THSD4: variants seen among roughly 807,000 people sequenced by gnomAD.
The protein encoded by THSD4 is thrombospondin type 1 domain containing 4, also known as thrombospondin type-1 domain-containing protein 4.
Under a neutral mutation model 119.0 loss-of-function variants are expected in THSD4, and 69 were observed. The ratio of observed to expected loss-of-function variants is 0.58; its 90% CI spans 0.48 to 0.71. THSD4 has a LOEUF of 0.71. Ranked by LOEUF, THSD4 falls within the 30% of genes least tolerant of loss-of-function variation. THSD4 has a pLI of 0.00. For missense variants in THSD4, 1,393 were observed against 1,391.1 expected, an observed-to-expected ratio of 1.00 and a Z score of -0.02; for synonymous variants, 524 against 540.4, an observed-to-expected ratio of 0.97 and a Z score of 0.42.
At chr15:71,562,299 A>T (rs72737265) in intron 7 of THSD4, among the ~76,000 whole-genome samples, 4,638 of 152,278 alleles carry the variant, frequency 0.03, 110 homozygotes, top group Non-Finnish European at 0.04. Context: ...TCAGCTGTAT[A>T]GTTTGTTCTG....
chr15:71,290,704 C>T (rs146067793), intron 6 of THSD4, among the ~76,000 whole-genome samples: 119 of 152,224 alleles, frequency 7.8e-4, no homozygotes, highest in African/African-American at 2.8e-3. Flanking sequence ...TTGCTTATAA[C>T]CCATAAGACA....
intron 3 of THSD4, among the ~76,000 whole-genome samples, chr15:71,200,748 A>G (rs1486479010): frequency 6.6e-6 from 1 of 152,202 alleles, no homozygotes; most frequent in Admixed American, 6.5e-5. Context: ...ATCCATTGTT[A>G]TAATCAATAA....
At chr15:71,675,866 T>C (rs978415763) in intron 8 of THSD4, among the ~76,000 whole-genome samples, 1 of 151,990 alleles carries the variant, frequency 6.6e-6, no homozygotes, top group South Asian at 2.1e-4. Context: ...GGTGGGGTGG[T>C]ATTTGTGTCT....
chr15:71,455,946 TTCTG>T (rs2047333116), intron 7 of THSD4, among the ~76,000 whole-genome samples: 1 of 152,166 alleles, frequency 6.6e-6, no homozygotes, highest in African/African-American at 2.4e-5. Context: ...TTTCCTCTCT[TTCTG>T]AGCCTGTCCG....
chr15:71,536,453 T>C (rs903388392), intron 7 of THSD4, among the ~76,000 whole-genome samples: 3 of 152,160 alleles, frequency 2.0e-5, no homozygotes, highest in Non-Finnish European at 4.4e-5. Context: ...GTCATCAGAG[T>C]AGCCATGTTA....
chr15:71,699,049 TAAAAG>T (rs1381151965), intron 8 of THSD4, among the ~76,000 whole-genome samples: 2 of 152,148 alleles, frequency 1.3e-5, no homozygotes, highest in South Asian at 2.1e-4. Context: ...AAAAATGTGT[TAAAAG>T]AGTAGACCTT....
At chr15:71,438,761 C>T (rs2047049580) in intron 7 of THSD4, among the ~76,000 whole-genome samples, 1 of 152,176 alleles carries the variant, frequency 6.6e-6, no homozygotes, top group Non-Finnish European at 1.5e-5. Flanking sequence ...AAGCAGAACA[C>T]ACAGGTGTTT....
At chr15:71,217,571 C>T (rs1325595099) in intron 4 of THSD4, among the ~76,000 whole-genome samples, 1 of 150,228 alleles carries the variant, frequency 6.7e-6, no homozygotes, top group Non-Finnish European at 1.5e-5. Flanking sequence ...TGCAGTGAGC[C>T]GAGATCGCAC....
At chr15:71,136,155 C>G (rs1183142441) in intron 1 of THSD4, among the ~76,000 whole-genome samples, 1 of 151,898 alleles carries the variant, frequency 6.6e-6, no homozygotes, top group Non-Finnish European at 1.5e-5. Context: ...GGTTGTATAG[C>G]ATGACTTACG....
At chr15:71,776,810 A>C (rs571822719) in intron 17 of THSD4, among the ~76,000 whole-genome samples, 1 of 152,392 alleles carries the variant, frequency 6.6e-6, no homozygotes, top group African/African-American at 2.4e-5. Flanking sequence ...ATATGAATGA[A>C]TCGCACAAAT....
rs1323169639 is a variant in THSD4, at chr15:71,341,785, C to T, written c.1016-69902C>T. 4.3e-5 allele frequency: 34 copies of T among 785,412 alleles called. No homozygotes were observed. In the Admixed American group the frequency reaches 5.7e-4, roughly 13 times the overall value. The allele number at this position is 785,412 out of a possible 1,614,324, so 48.7% of individuals were successfully genotyped here. A position where few individuals can be genotyped will look rare whatever the true frequency, so the allele number is the denominator to read the frequency against. The stretch of plus-strand genomic sequence containing the variant: ...TCTTCCTTTTTTCTCCTACCTCCCT[C>T]ACAACCCTCTTTTCTTCCTTCCTTC... On this transcript the variant is annotated intron_variant, in intron 6 of 17. Coordinates refer to ENST00000261862, the MANE Select transcript of THSD4 (RefSeq NM_024817.3).
chr15:71,545,544 T>C (rs2048824578), intron 7 of THSD4, among the ~76,000 whole-genome samples: 1 of 152,202 alleles, frequency 6.6e-6, no homozygotes, highest in African/African-American at 2.4e-5. Context: ...TCTGGCCTTT[T>C]ACAGAAAGTT....
At chr15:71,351,944 C>G (rs1324943160) in intron 6 of THSD4, among the ~76,000 whole-genome samples, 2 of 152,190 alleles carry the variant, frequency 1.3e-5, no homozygotes, top group Non-Finnish European at 2.9e-5. Context: ...TTGGCTTTAC[C>G]ATGCACACTT....
intron 7 of THSD4, among the ~76,000 whole-genome samples, chr15:71,545,752 G>A (rs2048827611): frequency 6.6e-6 from 1 of 152,102 alleles, no homozygotes; most frequent in African/African-American, 2.4e-5. Context: ...TCCTTAACTG[G>A]AGATATTATC....
At chr15:71,477,175 C>A (rs752877722) in intron 7 of THSD4, among the ~76,000 whole-genome samples, 10 of 152,228 alleles carry the variant, frequency 6.6e-5, no homozygotes, top group Non-Finnish European at 1.0e-4. Flanking sequence ...AAGCTCCACA[C>A]GCCCTCCTTC....
intron 6 of THSD4, among the ~76,000 whole-genome samples, chr15:71,315,544 G>A (rs1308284961): frequency 6.6e-6 from 1 of 152,202 alleles, no homozygotes; most frequent in Non-Finnish European, 1.5e-5. Context: ...CCCAGGATAG[G>A]AGGTCAGCTG....
intron 8 of THSD4, among the ~76,000 whole-genome samples, chr15:71,670,050 A>C (rs2051491860): frequency 6.6e-6 from 1 of 152,188 alleles, no homozygotes. Flanking sequence ...ACTGCCAAGG[A>C]AGCCTCCAGG....
chr15:71,154,650 A>T (rs1018930393), intron 2 of THSD4, among the ~76,000 whole-genome samples: 2 of 152,180 alleles, frequency 1.3e-5, no homozygotes, highest in African/African-American at 4.8e-5. Flanking sequence ...CTGGGATGTG[A>T]TCCCACATCT....
chr15:71,646,746 T>C (rs2050976338), intron 7 of THSD4, among the ~76,000 whole-genome samples: 1 of 152,220 alleles, frequency 6.6e-6, no homozygotes, highest in Non-Finnish European at 1.5e-5. Flanking sequence ...ATTTTTGCTG[T>C]CAAAGCATAA....
Sources: gnomAD v4.1 joint callset for allele counts (sites outside exome capture counted in the v4.1 genomes callset) on GRCh38, gnomAD v4.1.1 for gene constraint, MANE v1.5 for transcripts, NCBI Gene and HGNC (gene_info 2026-07-23, HGNC 2026-07-21) for gene names.